Variants in GPA33 observed in about 807,000 individuals in gnomAD.
GPA33 encodes the protein cell surface A33 antigen.
GPA33 carries 27 observed loss-of-function variants against 35.6 expected under a neutral mutation model. That is an observed-to-expected ratio of 0.76 (90% CI 0.56 to 1.04). The LOEUF is 1.04. Among genes scored for constraint, GPA33 ranks in the 50% least tolerant of loss-of-function variants. The probability of loss-of-function intolerance (pLI) is 0.00; values close to 1 mark genes in which losing one functional copy is unlikely to be tolerated. For missense variants in GPA33, 428 were observed against 411.9 expected (o/e 1.04, Z -0.34); for synonymous variants, 176 against 164.0 (o/e 1.07, Z -0.56).
chr1:167,066,477 C>T (rs1400199308), intron 3 of GPA33, among the ~76,000 whole-genome samples: 1 of 152,166 alleles, frequency 6.6e-6, no homozygotes, highest in Non-Finnish European at 1.5e-5. Context: ...CAGTTCCCAG[C>T]CCCTAAACCC....
At position 167,063,744 on chromosome 1, in the gene GPA33, AGAG is replaced by A; in HGVS notation, c.416-10_416-8del. The A allele has an allele frequency of 6.2e-7, 1 of 1,610,456 alleles. No homozygotes were observed. The highest frequency in any genetic ancestry group is 2.2e-5 in the East Asian group (1 of 44,814). On this transcript the variant is annotated splice_polypyrimidine_tract_variant and splice_region_variant and intron_variant, in intron 3 of 6. Coordinates refer to ENST00000367868, the MANE Select transcript of GPA33 (RefSeq NM_005814.3). ...TCTGGTTTGGAGGGTGGCACTATAT[AGAG>A]GAGAGACCAAAGAGAAGGCATGAGG...
chr1:167,073,438 T>C lies in GPA33; in HGVS notation c.145A>G (p.Thr49Ala). 6.2e-7 allele frequency: 1 copy of C among 1,612,524 alleles called. No individual in the cohort carries two copies. The highest frequency in any genetic ancestry group is 8.5e-7 in the Non-Finnish European group (1 of 1,179,400). ...TGAATAAGTCCCTCTCGACTGGAGG[T>C]GGAAGTGTGGTAGGTGCAGGGCAGG... ...VTLPCTYHTS[T>A]SSREGLIQWD... The change falls in exon 2 of 7, where the codon ACC (threonine) becomes GCC (alanine). Residue 49 changes from threonine (T) to alanine (A), a missense_variant. Transcript: ENST00000367868.
In GPA33 at chr1:167,069,043, G is replaced by A. The variant is rs372512579; in HGVS notation, c.294C>T (p.Ser98=). The A allele has an allele frequency of 1.9e-5, 30 of 1,613,484 alleles. 1 individual carries two copies. The highest frequency in any genetic ancestry group is 1.6e-4 in the Middle Eastern group (1 of 6,076). ...RVSISNNAEQ[S]DASITIDQLT... ...GCTGATCAATGGTGATGGAGGCATC[G>A]GACTGCTCAGCATTGTTGGATATGC... The change falls in exon 3 of 7, where the codon TCC becomes TCT. Residue 98 remains serine, a synonymous_variant. Coordinates refer to ENST00000367868, the MANE Select transcript of GPA33 (RefSeq NM_005814.3).
At chr1:167,084,685 T>C (rs1331232835) in intron 1 of GPA33, among the ~76,000 whole-genome samples, 1 of 152,196 alleles carries the variant, frequency 6.6e-6, no homozygotes, top group Non-Finnish European at 1.5e-5. Context: ...TTAGACTATA[T>C]ACCAGCTTGT....
intron 1 of GPA33, among the ~76,000 whole-genome samples, chr1:167,089,445 C>T (rs894360135): frequency 3.3e-5 from 5 of 152,172 alleles, no homozygotes; most frequent in Admixed American, 3.3e-4. Context: ...AAAGATATTC[C>T]TAAACTTTGC....
Position 167,073,582 on chromosome 1 carries a change from G to A in GPA33, c.44-43C>T, listed in dbSNP as rs760807735. The A allele has an allele frequency of 6.4e-6, 10 of 1,559,134 alleles. 1 individual carries two copies. In the South Asian group the frequency reaches 9.2e-5, roughly 14 times the overall value. ...AGTGGAAGGGAAAAGTAAGCGACAC[G>A]GACAGACATACCCACTCACTGCCCA... is the stretch of plus-strand genomic sequence containing the variant. On this transcript the variant is annotated intron_variant, in intron 1 of 6. Transcript: ENST00000367868.
chr1:167,056,720 A>AGT (rs1242952856), intron 4 of GPA33, among the ~76,000 whole-genome samples: 2 of 3,702 alleles, frequency 5.4e-4, no homozygotes, highest in Non-Finnish European at 1.1e-3. Flanking sequence ...GTGTGTGTGT[A>AGT]GTGTGTGATG....
At chr1:167,055,215 G>A in intron 5 of GPA33, 104 bp from the exon 6 acceptor site, 1 of 1,079,298 alleles carries the variant, frequency 9.3e-7, no homozygotes, top group Admixed American at 2.0e-5. Flanking sequence ...AACACTCCAT[G>A]AAAGGCATGG....
intron 4 of GPA33, among the ~76,000 whole-genome samples, chr1:167,062,171 A>ATTTATTTTATTTTATTTTAC (rs1346925615): frequency 6.6e-6 from 1 of 151,290 alleles, no homozygotes; most frequent in Non-Finnish European, 1.5e-5. Context: ...AAAATATTTT[A>ATTTATTTTATTTTATTTTAC]TTTATTTTAT....
chr1:167,086,711 G>C (rs1667055347), intron 1 of GPA33, among the ~76,000 whole-genome samples: 1 of 152,216 alleles, frequency 6.6e-6, no homozygotes, highest in African/African-American at 2.4e-5. Flanking sequence ...ACTCTTCATG[G>C]ATCAAGCACC....
rs541209403 is a variant in GPA33 at position 167,053,145 on chromosome 1, A to G, written c.*1189T>C. On this transcript the variant is annotated 3_prime_UTR_variant, in exon 7 of 7. Coordinates refer to ENST00000367868, the MANE Select transcript of GPA33 (RefSeq NM_005814.3). The stretch of plus-strand genomic sequence containing the variant: ...AGCCCCACCAGAAAACCAGAGCCCA[A>G]ATGGGCTGGGCAGGGCCAGGGCTGA... 5 of 152,346 alleles carry G rather than the reference A, an allele frequency of 3.3e-5. No homozygotes were observed. Among genetic ancestry groups the G allele is most frequent in the South Asian group, 4.1e-4 (2 of 4,826 alleles). 9.4% of individuals were successfully genotyped at this position (152,346 alleles called of 1,614,324 possible).
At position 167,054,979 on chromosome 1, in the gene GPA33, C is replaced by A; in HGVS notation, c.824G>T (p.Arg275Met). 1 of 1,614,096 alleles carries A rather than the reference C, an allele frequency of 6.2e-7. No homozygotes were observed. The highest frequency in any genetic ancestry group is 8.5e-7 in the Non-Finnish European group (1 of 1,180,030). ...GGCTACCAGCCCAGACACTCACGGC[C>A]TTGCATCCTCCTTGTCTTCAGTGTT... The part of the protein sequence containing the change: ...DDNTEDKEDA[R>M]PNREAYEEPP... The change falls in exon 6 of 7, where the codon AGG becomes ATG. Residue 275 changes from arginine to methionine, a missense_variant. By Grantham distance (91) the Arg-to-Met change is moderately conservative (BLOSUM62 -1). Transcript: ENST00000367868.
chr1:167,089,797 G>A (rs1667120315), intron 1 of GPA33, among the ~76,000 whole-genome samples: 1 of 152,080 alleles, frequency 6.6e-6, no homozygotes, highest in Admixed American at 6.5e-5. Flanking sequence ...CTCTGTGAAT[G>A]ATACGGGATA....
At chr1:167,084,433 G>A (rs897946907) in intron 1 of GPA33, among the ~76,000 whole-genome samples, 2 of 152,186 alleles carry the variant, frequency 1.3e-5, no homozygotes, top group African/African-American at 4.8e-5. Context: ...TTTAAAATGT[G>A]GTCCCCAAAT....
chr1:167,082,284 C>T (rs922471338), intron 1 of GPA33: 3 of 456,216 alleles, frequency 6.6e-6, no homozygotes, highest in Admixed American at 2.3e-5. Context: ...GAGATTTCTT[C>T]TATGTGTACT....
rs2274531 is a variant in GPA33, at chr1:167,073,525, C to T, written c.58G>A (p.Asp20Asn). 0.11 allele frequency: 170,939 copies of T among 1,612,984 alleles called. 9,774 individuals carry two copies. Among genetic ancestry groups the T allele is most frequent in the East Asian group, 0.16 (7,300 of 44,858 alleles). The change falls in exon 2 of 7, where the codon GAT becomes AAT. Residue 20 changes from aspartate (D) to asparagine (N), a missense_variant. Physicochemically the swap from Asp to Asn is conservative, Grantham distance 23. Transcript: ENST00000367868. The stretch of plus-strand genomic sequence containing the variant: ...TGCGGAGTTTCCACAGAGATGGCAT[C>T]GACGGTCACCCTGACTGGAAAGAAA... ...WTLCAVRVTV[D>N]AISVETPQDV...
chr1:167,086,228 G>A (rs979469677), intron 1 of GPA33, among the ~76,000 whole-genome samples: 27 of 152,350 alleles, frequency 1.8e-4, no homozygotes, highest in Middle Eastern at 6.8e-3. Context: ...CAGCAGGTGG[G>A]GCCCAGGCCC....
chr1:167,070,598 GT>G (rs1176626531), intron 2 of GPA33, among the ~76,000 whole-genome samples: 3 of 152,166 alleles, frequency 2.0e-5, no homozygotes, highest in Non-Finnish European at 2.9e-5. Context: ...GGACTAAACA[GT>G]TTGCATTTAC....
Position 167,073,411 on chromosome 1 carries a change from A to G in GPA33, c.172T>C (p.Trp58Arg). 6.2e-7 allele frequency: 1 copy of G among 1,614,026 alleles called. No homozygotes were observed. The highest frequency in any genetic ancestry group is 2.2e-5 in the East Asian group (1 of 44,890). ...STSSREGLIQWDKLLLTHTER... is the reference protein window; with the variant it reads ...STSSREGLIQRDKLLLTHTER... ...GTATGAGTGAGGAGGAGCTTATCCC[A>G]TTGAATAAGTCCCTCTCGACTGGAG... is the stretch of plus-strand genomic sequence containing the variant. Residue 58 changes from tryptophan to arginine, a missense_variant, in exon 2 of 7, where the codon TGG becomes CGG. By Grantham distance (101) the Trp-to-Arg change is moderately radical. Coordinates refer to ENST00000367868, the MANE Select transcript of GPA33 (RefSeq NM_005814.3).
Sources: gnomAD v4.1 joint callset for allele counts (sites outside exome capture counted in the v4.1 genomes callset) on GRCh38, gnomAD v4.1.1 for gene constraint, MANE v1.5 for transcripts, NCBI Gene and HGNC (gene_info 2026-07-23, HGNC 2026-07-21) for gene names.